CAPN8: variants seen among roughly 807,000 people sequenced by gnomAD.
CAPN8 encodes calpain-8.
CAPN8 carries 87 observed loss-of-function variants against 80.9 expected under a neutral mutation model. That is an observed-to-expected ratio of 1.07 (90% confidence interval 0.90 to 1.28). CAPN8 has a LOEUF of 1.28. Ranked by LOEUF, CAPN8 falls within the 50% of genes most tolerant of loss-of-function variation. The probability of loss-of-function intolerance (pLI) is 0.00; values close to 1 mark genes in which losing one functional copy is unlikely to be tolerated. For synonymous variants in CAPN8, 299 were observed against 273.8 expected, an observed-to-expected ratio of 1.09 and a Z score of -0.91; for missense variants, 757 against 702.0, an observed-to-expected ratio of 1.08 and a Z score of -0.89.
At chr1:223,647,641 T>A (rs918620128) in intron 2 of CAPN8, among the ~76,000 whole-genome samples, 4 of 152,106 alleles carry the variant, frequency 2.6e-5, no homozygotes, top group African/African-American at 9.7e-5. Context: ...GTCCTCAACC[T>A]TAGCAAAATA....
chr1:223,658,323 A>G (rs765097647), intron 1 of CAPN8, among the ~76,000 whole-genome samples: 139 of 152,220 alleles, frequency 9.1e-4, no homozygotes, highest in Admixed American at 1.2e-3. Context: ...GGCAAAGGCT[A>G]CAGACAATTA....
At chr1:223,652,016 C>A (rs1040261409) in intron 2 of CAPN8, among the ~76,000 whole-genome samples, 1 of 152,166 alleles carries the variant, frequency 6.6e-6, no homozygotes, top group Non-Finnish European at 1.5e-5. Context: ...CAGACTTCAC[C>A]GGGTGCCTTT....
rs189064838 is a variant in CAPN8 at position 223,613,774 on chromosome 1, C to T, written c.1312-1517G>A. 1.6e-3 allele frequency among the ~76,000 whole-genome samples: 246 copies of T among 152,290 alleles called. 1 individual carries two copies. The highest frequency in any genetic ancestry group is 5.7e-3 in the African/African-American group (235 of 41,562). On this transcript the variant is annotated intron_variant, in intron 10 of 20. Transcript: ENST00000366872. ...CAGGTTTTCATCCTCAATCCAAACT[C>T]CAGTTAAAGCAAGAGAAGGGAGATA...
intron 20 of CAPN8, among the ~76,000 whole-genome samples, chr1:223,542,269 G>GTATA (rs72402922): frequency 2.0e-5 from 3 of 150,630 alleles, no homozygotes; most frequent in African/African-American, 4.9e-5. Context: ...TTCTATATGT[G>GTATA]TATATATATA....
intron 2 of CAPN8, among the ~76,000 whole-genome samples, chr1:223,650,780 A>G (rs1388473595): frequency 6.6e-6 from 1 of 152,202 alleles, no homozygotes; most frequent in Non-Finnish European, 1.5e-5. Flanking sequence ...CAGTGACCAA[A>G]GGAGTTCTGG....
chr1:223,645,567 C>T (rs779836846), intron 2 of CAPN8, among the ~76,000 whole-genome samples: 1 of 152,172 alleles, frequency 6.6e-6, no homozygotes, highest in Non-Finnish European at 1.5e-5. Flanking sequence ...GGTGGGGGGA[C>T]CACTCCAGGC....
intron 1 of CAPN8, among the ~76,000 whole-genome samples, chr1:223,664,803 G>A (rs1558361390): frequency 6.6e-6 from 1 of 152,334 alleles, no homozygotes; most frequent in South Asian, 2.1e-4. Context: ...GCTGGGTGTG[G>A]TGGCACGTGC....
At chr1:223,547,259 T>C (rs1479351058) in intron 16 of CAPN8, among the ~76,000 whole-genome samples, 1 of 152,074 alleles carries the variant, frequency 6.6e-6, no homozygotes, top group Non-Finnish European at 1.5e-5. Flanking sequence ...TGTGAAAGAC[T>C]GTATTTTTAA....
intron 19 of CAPN8, among the ~76,000 whole-genome samples, 168 bp downstream of exon 19, chr1:223,543,899 C>A (rs1188887802): frequency 6.6e-6 from 1 of 152,222 alleles, no homozygotes; most frequent in Non-Finnish European, 1.5e-5. Context: ...CCCTTCAGGT[C>A]CAGCTGCCCC....
intron 9 of CAPN8, among the ~76,000 whole-genome samples, chr1:223,616,653 G>A (rs1201896626): frequency 2.0e-5 from 3 of 152,136 alleles, no homozygotes; most frequent in Admixed American, 6.5e-5. Context: ...TAAGACAACT[G>A]CTCTTGCCAT....
At position 223,662,026 on chromosome 1, in the gene CAPN8, A is replaced by C. The variant is rs567321976; in HGVS notation, c.237+3384T>G. On this transcript the variant is annotated intron_variant, in intron 1 of 20. Transcript: ENST00000366872. ...TTTGACATATGCCACAACATGGATG[A>C]ATCTTGAGGATATTATGCTAAGTGA... Among the ~76,000 whole-genome samples the C allele has an allele frequency of 9.8e-5, 15 of 152,360 alleles. 1 individual carries two copies. The South Asian group carries it at 3.1e-3, about 32-fold the overall frequency.
chr1:223,643,122 A>G lies in CAPN8; in HGVS notation c.307+11208T>C, dbSNP rs541692085. 1.5e-4 allele frequency among the ~76,000 whole-genome samples: 23 copies of G among 152,342 alleles called. No individual in the cohort carries two copies. The South Asian group carries it at 3.9e-3, about 26-fold the overall frequency. On this transcript the variant is annotated intron_variant, in intron 2 of 20. Coordinates refer to ENST00000366872, the MANE Select transcript of CAPN8 (RefSeq NM_001143962.2). Reference sequence around the variant, plus strand: ...AAATAAGACAAAAATGCTAGAAGCCAGGTGTAATGGGGAAAGAAATGAAAA... The same window carrying G: ...AAATAAGACAAAAATGCTAGAAGCCGGGTGTAATGGGGAAAGAAATGAAAA...
chr1:223,627,289 T>C, intron 4 of CAPN8, 132 bp from the exon 5 acceptor site: 4 of 1,047,600 alleles, frequency 3.8e-6, no homozygotes, highest in Non-Finnish European at 5.5e-6. Context: ...ATTTTGCCTA[T>C]GGGCCAGGAA....
intron 2 of CAPN8, among the ~76,000 whole-genome samples, chr1:223,651,128 G>T (rs1484135654): frequency 6.6e-6 from 1 of 152,132 alleles, no homozygotes; most frequent in Admixed American, 6.5e-5. Flanking sequence ...AGTGTGGGTG[G>T]CCCTTGCTAG....
chr1:223,634,887 A>C (rs1657872903), intron 2 of CAPN8, among the ~76,000 whole-genome samples: 1 of 152,202 alleles, frequency 6.6e-6, no homozygotes, highest in Non-Finnish European at 1.5e-5. Flanking sequence ...GTATAGCACC[A>C]CTCAAATAGA....
At chr1:223,613,771 ACT>A (rs1437636072) in intron 10 of CAPN8, among the ~76,000 whole-genome samples, 2 of 151,996 alleles carry the variant, frequency 1.3e-5, no homozygotes, top group Non-Finnish European at 2.9e-5. Context: ...CTCAATCCAA[ACT>A]CCAGTTAAAG....
chr1:223,642,190 G>A (rs1460978464), intron 2 of CAPN8, among the ~76,000 whole-genome samples: 1 of 152,210 alleles, frequency 6.6e-6, no homozygotes, highest in African/African-American at 2.4e-5. Flanking sequence ...GGGTATTGGG[G>A]TCACCCAAGA....
chr1:223,621,978 G>A (rs1024579853), intron 7 of CAPN8, among the ~76,000 whole-genome samples: 3 of 151,828 alleles, frequency 2.0e-5, no homozygotes, highest in Admixed American at 1.3e-4. Context: ...GCTAATTTTT[G>A]TACTTTTAGT....
chr1:223,653,016 TC>T (rs1658382158), intron 2 of CAPN8, among the ~76,000 whole-genome samples: 1 of 151,830 alleles, frequency 6.6e-6, no homozygotes, highest in Non-Finnish European at 1.5e-5. Context: ...TAAATACCTT[TC>T]CCAAAGTTAA....
Sources: gnomAD v4.1 joint callset for allele counts (sites outside exome capture counted in the v4.1 genomes callset) on GRCh38, gnomAD v4.1.1 for gene constraint, MANE v1.5 for transcripts, NCBI Gene and HGNC (gene_info 2026-07-23, HGNC 2026-07-21) for gene names.